Variants in TPRG1 observed in about 807,000 individuals in gnomAD.
The protein encoded by TPRG1 is tumor protein p63-regulated gene 1 protein.
Under a neutral mutation model 29.3 loss-of-function variants are expected in TPRG1, and 29 were observed. The observed-to-expected ratio is 0.99, with a 90% CI of 0.74 to 1.35. The LOEUF (loss-of-function observed/expected upper bound fraction) is 1.35, where lower values mean the gene tolerates loss of function less well. Among genes scored for constraint, TPRG1 ranks in the 40% most tolerant of loss-of-function variants. The pLI is 0.00. For synonymous variants in TPRG1, 130 were observed against 116.8 expected, an observed-to-expected ratio of 1.11 and a Z score of -0.73; for missense variants, 327 against 335.0, an observed-to-expected ratio of 0.98 and a Z score of 0.19.
At chr3:189,092,015 T>C (rs1228004939) in intron 4 of TPRG1, among the ~76,000 whole-genome samples, 2 of 152,214 alleles carry the variant, frequency 1.3e-5, no homozygotes, top group Non-Finnish European at 2.9e-5. Flanking sequence ...TAAGAAATAT[T>C]GTCCTCCTTT....
intron 4 of TPRG1, among the ~76,000 whole-genome samples, chr3:189,266,224 C>A (rs1252352054): frequency 6.6e-6 from 1 of 152,174 alleles, no homozygotes; most frequent in Non-Finnish European, 1.5e-5. Context: ...CTGGTGACTG[C>A]CATAGGTGTT....
At chr3:189,077,474 G>C (rs1717255938) in intron 4 of TPRG1, among the ~76,000 whole-genome samples, 1 of 151,982 alleles carries the variant, frequency 6.6e-6, no homozygotes, top group Admixed American at 6.6e-5. Flanking sequence ...TCAGAAATTT[G>C]TTGCCTCTTT....
Position 189,234,527 on chromosome 3 carries a change from C to T in TPRG1, c.303-4206C>T, listed in dbSNP as rs80233808. ...TCTCACTATTTTGGCATGAACATTT[C>T]CGCAATGTTACTGATTGTTTATTGA... On this transcript the variant is annotated intron_variant, in intron 3 of 5. Coordinates refer to ENST00000345063, the MANE Select transcript of TPRG1 (RefSeq NM_198485.4). Among the ~76,000 whole-genome samples the T allele has an allele frequency of 7.3e-3, 1,112 of 152,236 alleles. 10 individuals carry two copies. The highest frequency in any genetic ancestry group is 0.025 in the African/African-American group (1,054 of 41,554).
At chr3:189,191,652 C>A (rs1469470678) in intron 1 of TPRG1, among the ~76,000 whole-genome samples, 3 of 152,112 alleles carry the variant, frequency 2.0e-5, no homozygotes, top group Non-Finnish European at 4.4e-5. Context: ...ATTTTGGGAG[C>A]TTAATGTATA....
At chr3:189,248,356 C>T (rs1332642420) in intron 4 of TPRG1, among the ~76,000 whole-genome samples, 1 of 151,648 alleles carries the variant, frequency 6.6e-6, no homozygotes, top group Non-Finnish European at 1.5e-5. Context: ...TACTTTCTTC[C>T]TTGTGTGAGG....
chr3:189,240,900 G>T lies in TPRG1; in HGVS notation c.479+1991G>T, dbSNP rs796375211. Among the ~76,000 whole-genome samples, 5 of 152,244 alleles carry T rather than the reference G, an allele frequency of 3.3e-5. 1 individual carries two copies. The highest frequency in any genetic ancestry group is 1.2e-4 in the African/African-American group (5 of 41,546). On this transcript the variant is annotated intron_variant, in intron 4 of 5. Coordinates refer to ENST00000345063, the MANE Select transcript of TPRG1 (RefSeq NM_198485.4). Reference sequence around the variant, plus strand: ...CTGCCTCATGCTATAATATCTACCAGTGATATAACTTGGAGGTTTATATAA... The same window carrying T: ...CTGCCTCATGCTATAATATCTACCATTGATATAACTTGGAGGTTTATATAA...
intron 4 of TPRG1, among the ~76,000 whole-genome samples, chr3:189,050,863 G>T (rs1182532791): frequency 1.3e-5 from 2 of 152,066 alleles, no homozygotes; most frequent in Non-Finnish European, 2.9e-5. Context: ...GCAGAAAAAA[G>T]CATTCAACAA....
rs185602176 is a variant in TPRG1, at chr3:189,136,339, G to T, written c.-291+3642G>T. Among the ~76,000 whole-genome samples the T allele has an allele frequency of 2.0e-5, 3 of 152,232 alleles. No individual in the cohort carries two copies. The East Asian group carries it at 5.8e-4, about 29-fold the overall frequency. On this transcript the variant is annotated intron_variant, in intron 3 of 6. Transcript: ENST00000412373. ...CTTATGGAAGGGGACTTCTGGGGGTGGAGAAGCCGTTCAAGATGCTTATGG... is the reference window on the plus strand; with the variant it reads ...CTTATGGAAGGGGACTTCTGGGGGTTGAGAAGCCGTTCAAGATGCTTATGG...
intron 2 of TPRG1, among the ~76,000 whole-genome samples, chr3:189,210,883 T>C (rs776854428): frequency 3.8e-4 from 58 of 152,082 alleles, no homozygotes; most frequent in Non-Finnish European, 6.5e-4. Flanking sequence ...AGTATATATG[T>C]TGTAAATTCA....
chr3:189,104,318 A>G (rs1012758332), intron 1 of TPRG1, among the ~76,000 whole-genome samples: 8 of 152,260 alleles, frequency 5.3e-5, no homozygotes, highest in Non-Finnish European at 1.2e-4. Flanking sequence ...AGGCGTAGAT[A>G]TTCAGTAAAT....
intron 4 of TPRG1, among the ~76,000 whole-genome samples, chr3:189,285,390 T>A (rs751794095): frequency 1.3e-5 from 2 of 152,160 alleles, no homozygotes; most frequent in Non-Finnish European, 2.9e-5. Context: ...ACCTGTTCTG[T>A]GTGTTTTAGA....
At chr3:189,224,494 C>G (rs373166186) in intron 3 of TPRG1, among the ~76,000 whole-genome samples, 2 of 145,248 alleles carry the variant, frequency 1.4e-5, no homozygotes, top group Admixed American at 6.7e-5. Flanking sequence ...ACAACAACAA[C>G]AACAAAAAAA....
At chr3:189,119,070 A>T (rs4605530) in intron 1 of TPRG1, among the ~76,000 whole-genome samples, 66,187 of 152,182 alleles carry the variant, frequency 0.43, 19,536 homozygotes, top group African/African-American at 0.83. Context: ...AGGGGGGTTG[A>T]GCTTTGCAAA....
chr3:189,304,998 G>A (rs1342489716), intron 4 of TPRG1, among the ~76,000 whole-genome samples: 1 of 152,122 alleles, frequency 6.6e-6, no homozygotes, highest in East Asian at 1.9e-4. Context: ...TTGGTGCCTC[G>A]AGCTATGTTT....
At chr3:189,148,328 A>C (rs571560244) in intron 4 of TPRG1, among the ~76,000 whole-genome samples, 1 of 152,322 alleles carries the variant, frequency 6.6e-6, no homozygotes, top group East Asian at 1.9e-4. Flanking sequence ...CCTGGCTGCA[A>C]AGGGCTCACA....
At position 189,004,758 on chromosome 3, in the gene TPRG1, A is replaced by G. The variant is rs16863875; in HGVS notation, c.-662A>G. ...AATGCCTACTCAGCCTCTAGTATTC[A>G]GTGTAAGTACGTGTATCACTAGAAA... On this transcript the variant is annotated splice_region_variant and 5_prime_UTR_variant, in exon 3 of 11. Coordinates refer to the TPRG1 transcript ENST00000433971. 42 of 152,256 alleles carry G rather than the reference A, an allele frequency of 2.8e-4. 1 individual carries two copies. In the East Asian group the frequency reaches 7.7e-3, roughly 28 times the overall value. The allele number at this position is 152,256 out of a possible 1,614,324, so 9.4% of individuals were successfully genotyped here.
At chr3:189,122,383 A>G (rs1234614621) in intron 1 of TPRG1, among the ~76,000 whole-genome samples, 1 of 152,218 alleles carries the variant, frequency 6.6e-6, no homozygotes, top group Non-Finnish European at 1.5e-5. Flanking sequence ...TCTGGTTTTC[A>G]CATCTCCCTA....
At chr3:189,180,584 C>T (rs1730075522) in intron 1 of TPRG1, among the ~76,000 whole-genome samples, 2 of 152,208 alleles carry the variant, frequency 1.3e-5, no homozygotes, top group Admixed American at 6.5e-5. Context: ...GACTTCATGT[C>T]TCACATCCAG....
chr3:189,312,147 T>TCTCTC (rs1560689239), intron 5 of TPRG1, among the ~76,000 whole-genome samples: 1 of 62,120 alleles, frequency 1.6e-5, no homozygotes, highest in Non-Finnish European at 3.1e-5. Context: ...CTTTCTTTCT[T>TCTCTC]TCTTTCTTTC....
Sources: gnomAD v4.1 joint callset for allele counts (sites outside exome capture counted in the v4.1 genomes callset) on GRCh38, gnomAD v4.1.1 for gene constraint, MANE v1.5 for transcripts, NCBI Gene and HGNC (gene_info 2026-07-23, HGNC 2026-07-21) for gene names.